PXT1: variants seen among roughly 807,000 people sequenced by gnomAD.
PXT1 encodes peroxisomal testis enriched protein 1, also known as peroxisomal testis-specific protein 1.
A neutral mutation model predicts 11.0 loss-of-function variants in PXT1; 11 were observed. The observed-to-expected ratio is 1.00, with a 90% CI of 0.63 to 1.66. The LOEUF is 1.66. Among genes scored for constraint, PXT1 ranks in the 40% most tolerant of loss-of-function variants. PXT1 has a pLI of 0.00. For synonymous variants in PXT1, 43 were observed against 51.4 expected (o/e 0.84, Z 0.70); for missense variants, 141 against 155.5 (o/e 0.91, Z 0.49).
chr6:36,424,761 G>T (rs193029590), intron 3 of PXT1, among the ~76,000 whole-genome samples: 4 of 152,256 alleles, frequency 2.6e-5, no homozygotes, highest in South Asian at 2.1e-4. Flanking sequence ...AGTACTTTGG[G>T]AGGCCGAGGC....
intron 3 of PXT1, among the ~76,000 whole-genome samples, chr6:36,402,158 A>G (rs1160201435): frequency 6.6e-6 from 1 of 152,028 alleles, no homozygotes; most frequent in Non-Finnish European, 1.5e-5. Flanking sequence ...GAGCTCTCCA[A>G]ACTTTATTTG....
chr6:36,399,544 G>T (rs1171061433), intron 4 of PXT1, among the ~76,000 whole-genome samples: 1 of 152,126 alleles, frequency 6.6e-6, no homozygotes, highest in Non-Finnish European at 1.5e-5. Context: ...GTCCACATTT[G>T]GACCTGAGTA....
At chr6:36,439,129 G>A (rs1774817231) in intron 1 of PXT1, among the ~76,000 whole-genome samples, 1 of 151,434 alleles carries the variant, frequency 6.6e-6, no homozygotes, top group Non-Finnish European at 1.5e-5. Flanking sequence ...CTCTCAAGTA[G>A]CTGGGATTAC....
chr6:36,391,979 T>A, intron 4 of PXT1, 105 bp from the exon 5 acceptor site: 1 of 746,322 alleles, frequency 1.3e-6, no homozygotes, highest in Non-Finnish European at 2.2e-6. Context: ...ATTAATTCAA[T>A]CCATGCTGCA....
Position 36,391,604 on chromosome 6 carries a change from G to A in PXT1, c.*166C>T. 1 of 643,442 alleles carries A rather than the reference G, an allele frequency of 1.6e-6. No homozygotes were observed. Among genetic ancestry groups the A allele is most frequent in the Non-Finnish European group, 2.8e-6 (1 of 357,312 alleles). 39.9% of individuals were successfully genotyped at this position (643,442 alleles called of 1,614,324 possible). On this transcript the variant is annotated 3_prime_UTR_variant, in exon 5 of 5. Coordinates refer to ENST00000454782, the MANE Select transcript of PXT1 (RefSeq NM_152990.4). ...GCTAGCTCCTCCGAAGAGACAAATGGCTCGTGAACCCGCAGTTCTTCAACA... is the reference window on the plus strand; with the variant it reads ...GCTAGCTCCTCCGAAGAGACAAATGACTCGTGAACCCGCAGTTCTTCAACA...
chr6:36,408,607 G>A (rs1357181422), intron 3 of PXT1, among the ~76,000 whole-genome samples: 5 of 150,356 alleles, frequency 3.3e-5, no homozygotes, highest in Non-Finnish European at 5.9e-5. Flanking sequence ...TGTAGGTCAG[G>A]TGCTTTGCAG....
At chr6:36,409,936 G>GGAAAGAAA (rs765420022) in intron 3 of PXT1, among the ~76,000 whole-genome samples, 2 of 86,260 alleles carry the variant, frequency 2.3e-5, no homozygotes, top group South Asian at 3.2e-4. Flanking sequence ...AAAGGACGAA[G>GGAAAGAAA]GAAAGAAAGA....
At chr6:36,436,113 C>CAA (rs11294829) in intron 2 of PXT1, among the ~76,000 whole-genome samples, 9 of 60,084 alleles carry the variant, frequency 1.5e-4, no homozygotes, top group African/African-American at 2.5e-4. Context: ...AAAAGTAAGC[C>CAA]AAAAAAAAAA....
At chr6:36,434,657 T>C (rs576647221) in intron 2 of PXT1, among the ~76,000 whole-genome samples, 2,084 of 152,296 alleles carry the variant, frequency 0.014, 44 homozygotes, top group African/African-American at 0.045. Context: ...CAAGAGAAGT[T>C]CGTTTATAAG....
At chr6:36,426,818 T>C (rs1487938657) in intron 2 of PXT1, among the ~76,000 whole-genome samples, 1 of 134,732 alleles carries the variant, frequency 7.4e-6, no homozygotes, top group Non-Finnish European at 1.5e-5. Flanking sequence ...ACACACTCTT[T>C]GTCCTATTTC....
chr6:36,418,277 C>T (rs965081192), intron 3 of PXT1, among the ~76,000 whole-genome samples: 12 of 152,010 alleles, frequency 7.9e-5, no homozygotes, highest in Non-Finnish European at 1.3e-4. Flanking sequence ...TTTAAGCTCC[C>T]CAGATAATTC....
intron 3 of PXT1, among the ~76,000 whole-genome samples, chr6:36,409,096 T>C (rs1774330803): frequency 6.6e-6 from 1 of 152,160 alleles, no homozygotes. Context: ...GTAGTGGTCA[T>C]CCATTTATAC....
intron 3 of PXT1, 109 bp downstream of exon 3, chr6:36,425,805 A>ACAAACAAACAAACAAAATATAT (rs763685304): frequency 3.0e-5 from 10 of 335,612 alleles, no homozygotes; most frequent in African/African-American, 6.8e-5. Flanking sequence ...AAAAACAAAA[A>ACAAACAAACAAACAAAATATAT]ATATATATAT....
intron 4 of PXT1, 31 bp from the exon 5 acceptor site, chr6:36,391,905 GTT>G (rs199535119): frequency 0.035 from 36,545 of 1,058,928 alleles, 1,590 homozygotes; most frequent in African/African-American, 0.27. Context: ...ACAGAGAAAG[GTT>G]TTTTTTTTTT....
chr6:36,414,709 A>G (rs1213688644), intron 3 of PXT1, among the ~76,000 whole-genome samples: 2 of 149,576 alleles, frequency 1.3e-5, no homozygotes, highest in African/African-American at 5.1e-5. Flanking sequence ...CACAACATGG[A>G]AAAAAAATGA....
intron 3 of PXT1, among the ~76,000 whole-genome samples, chr6:36,403,591 T>G (rs116836705): frequency 2.1e-3 from 324 of 152,236 alleles, no homozygotes; most frequent in African/African-American, 7.3e-3. Context: ...TTTTAGGTAC[T>G]GACTAGGCAT....
chr6:36,393,879 T>C (rs937377152), intron 4 of PXT1, among the ~76,000 whole-genome samples: 5 of 152,226 alleles, frequency 3.3e-5, no homozygotes, highest in African/African-American at 1.2e-4. Context: ...TTTGTGTAGA[T>C]ACTGTTTGTC....
chr6:36,407,646 T>A (rs1459989206), intron 3 of PXT1, among the ~76,000 whole-genome samples: 3 of 151,072 alleles, frequency 2.0e-5, no homozygotes, highest in African/African-American at 7.3e-5. Context: ...GCTCAAGCAA[T>A]CCTCCTGCCT....
chr6:36,404,130 G>T lies in PXT1; in HGVS notation c.170-3546C>A, dbSNP rs367714405. ...AAATGACTGAGAAGAAATCAAAGAG[G>T]TAAAAAGGGAACCAGGAAAATGATG... On this transcript the variant is annotated intron_variant, in intron 3 of 4. Coordinates refer to ENST00000454782, the MANE Select transcript of PXT1 (RefSeq NM_152990.4). Among the ~76,000 whole-genome samples the T allele has an allele frequency of 6.6e-5, 10 of 152,234 alleles. 1 individual carries two copies. The highest frequency in any genetic ancestry group is 6.8e-3 in the Middle Eastern group (2 of 294).
Sources: allele counts gnomAD v4.1 joint callset (sites outside exome capture counted in the v4.1 genomes callset), GRCh38; gene constraint gnomAD v4.1.1; transcripts MANE v1.5; gene names NCBI Gene and HGNC (gene_info 2026-07-23, HGNC 2026-07-21).